Variants in SEMA3C observed in about 807,000 individuals in gnomAD.
SEMA3C encodes the protein semaphorin 3C.
SEMA3C carries 47 observed loss-of-function variants against 89.4 expected under a neutral mutation model. The ratio of observed to expected loss-of-function variants is 0.53; its 90% CI spans 0.42 to 0.67. The LOEUF is 0.67. Ranked by LOEUF, SEMA3C falls within the 30% of genes least tolerant of loss-of-function variation. The pLI is 0.00. For missense variants in SEMA3C, 839 were observed against 929.1 expected, an observed-to-expected ratio of 0.90 and a Z score of 1.26; for synonymous variants, 310 against 320.2, an observed-to-expected ratio of 0.97 and a Z score of 0.34.
At chr7:80,851,504 TA>T (rs35936052) in intron 2 of SEMA3C, among the ~76,000 whole-genome samples, 37,121 of 69,176 alleles carry the variant, frequency 0.54, 10,394 homozygotes, top group Admixed American at 0.64. Context: ...CTCTTGTCTT[TA>T]AAAAAAAAAA....
At chr7:80,828,526 T>C in intron 3 of SEMA3C, 59 bp downstream of exon 3, 4 of 1,381,144 alleles carry the variant, frequency 2.9e-6, no homozygotes, top group Non-Finnish European at 3.9e-6. Context: ...TTATTTATTT[T>C]TTTTAAAAAA....
intron 13 of SEMA3C, among the ~76,000 whole-genome samples, chr7:80,763,114 A>AC (rs1788222872): frequency 6.6e-6 from 1 of 152,188 alleles, no homozygotes; most frequent in African/African-American, 2.4e-5. Flanking sequence ...TTCTAGTTAA[A>AC]CTCAGCGGAA....
Position 80,798,076 on chromosome 7 carries a change from T to C in SEMA3C, c.1131+16A>G. On this transcript the variant is annotated intron_variant, in intron 11 of 17. Transcript: ENST00000265361. ...TTATAAAGCATCATAACAAAGAATTTTCCCTGGATACTTACAGTTCCAGGG... is the reference window on the plus strand; with the variant it reads ...TTATAAAGCATCATAACAAAGAATTCTCCCTGGATACTTACAGTTCCAGGG... 6.3e-7 allele frequency: 1 copy of C among 1,589,836 alleles called. No individual in the cohort carries two copies. Among genetic ancestry groups the C allele is most frequent in the Non-Finnish European group, 8.5e-7 (1 of 1,172,580 alleles).
intron 2 of SEMA3C, among the ~76,000 whole-genome samples, chr7:80,870,138 G>A (rs1791021592): frequency 6.6e-6 from 1 of 152,066 alleles, no homozygotes; most frequent in Non-Finnish European, 1.5e-5. Flanking sequence ...CTTACTGTGT[G>A]CTACATGAGC....
At chr7:80,839,454 G>C (rs1057132738) in intron 2 of SEMA3C, among the ~76,000 whole-genome samples, 1 of 152,144 alleles carries the variant, frequency 6.6e-6, no homozygotes, top group Non-Finnish European at 1.5e-5. Context: ...GCACAGAAGA[G>C]AAATGTGGTA....
At chr7:80,833,475 G>GAAAGA (rs1386518642) in intron 2 of SEMA3C, among the ~76,000 whole-genome samples, 5 of 151,604 alleles carry the variant, frequency 3.3e-5, no homozygotes, top group Admixed American at 2.6e-4. Context: ...AAAAAAGAAA[G>GAAAGA]AAAGAAAAGA....
chr7:80,788,484 T>C (rs757273479), intron 12 of SEMA3C, among the ~76,000 whole-genome samples: 1 of 152,170 alleles, frequency 6.6e-6, no homozygotes, highest in Non-Finnish European at 1.5e-5. Flanking sequence ...CCTAGAATTT[T>C]GGAAGAAGCA....
At chr7:80,881,209 A>ACACACACACT (rs1554387804) in intron 2 of SEMA3C, among the ~76,000 whole-genome samples, 2 of 137,020 alleles carry the variant, frequency 1.5e-5, no homozygotes, top group Admixed American at 7.4e-5. Context: ...ACACACACAC[A>ACACACACACT]CTCTCTCTCA....
intron 2 of SEMA3C, among the ~76,000 whole-genome samples, chr7:80,857,412 A>G (rs1036808513): frequency 1.3e-5 from 2 of 152,208 alleles, no homozygotes; most frequent in Admixed American, 1.3e-4. Flanking sequence ...GAAATTACAA[A>G]AACGAGAAAA....
At chr7:80,918,723 A>G in intron 1 of SEMA3C, 105 bp downstream of exon 1, 3 of 710,606 alleles carry the variant, frequency 4.2e-6, no homozygotes, top group Non-Finnish European at 5.2e-6. Flanking sequence ...GTTCTTAAGA[A>G]AATGTCCAGG....
chr7:80,895,619 T>C lies in SEMA3C; in HGVS notation c.103+21060A>G, dbSNP rs1169729455. Among the ~76,000 whole-genome samples, 3 of 152,194 alleles carry C rather than the reference T, an allele frequency of 2.0e-5. No homozygotes were observed. The East Asian group carries it at 5.8e-4, about 29-fold the overall frequency. ...CATCACACTACACATGTGCACGGAA[T>C]GATTAGAATGTTGCAGAGATTATTA... On this transcript the variant is annotated intron_variant, in intron 2 of 17. Coordinates refer to ENST00000265361, the MANE Select transcript of SEMA3C (RefSeq NM_006379.5).
At chr7:80,899,201 C>A (rs187308414) in intron 2 of SEMA3C, among the ~76,000 whole-genome samples, 1 of 152,028 alleles carries the variant, frequency 6.6e-6, no homozygotes, top group Non-Finnish European at 1.5e-5. Flanking sequence ...CCACTGCGCC[C>A]GGCTACTTTT....
chr7:80,891,274 C>T (rs1297743271), intron 2 of SEMA3C, among the ~76,000 whole-genome samples: 2 of 152,142 alleles, frequency 1.3e-5, no homozygotes, highest in South Asian at 2.1e-4. Flanking sequence ...GTCTATATCC[C>T]GTCTTGCGTC....
intron 2 of SEMA3C, among the ~76,000 whole-genome samples, chr7:80,857,723 T>C (rs562507684): frequency 1.4e-4 from 22 of 152,276 alleles, no homozygotes; most frequent in African/African-American, 5.1e-4. Context: ...GAGAGTAATA[T>C]TGGGGAAAAT....
intron 2 of SEMA3C, among the ~76,000 whole-genome samples, chr7:80,911,090 G>A (rs186973705): frequency 2.2e-3 from 337 of 152,154 alleles, no homozygotes; most frequent in African/African-American, 7.9e-3. Context: ...TAAATTAAAG[G>A]GGGAATTTGG....
chr7:80,746,718 G>GGTATGTGTGTGTGTGT (rs1554357893), intron 17 of SEMA3C, among the ~76,000 whole-genome samples: 2 of 142,930 alleles, frequency 1.4e-5, no homozygotes, highest in Non-Finnish European at 3.0e-5. Context: ...ATTGAAGTGG[G>GGTATGTGTGTGTGTGT]GTGTGTGTGT....
At chr7:80,905,220 GAC>G in intron 2 of SEMA3C, among the ~76,000 whole-genome samples, 1 of 127,060 alleles carries the variant, frequency 7.9e-6, no homozygotes, top group East Asian at 2.4e-4. Context: ...GGTAGGGAGA[GAC>G]AGGGAGAGAG....
chr7:80,784,453 TAGC>T (rs924032913), intron 12 of SEMA3C, among the ~76,000 whole-genome samples: 6 of 147,998 alleles, frequency 4.1e-5, no homozygotes, highest in Non-Finnish European at 7.6e-5. Context: ...TTTAACAAAG[TAGC>T]AGCATTTTTT....
intron 2 of SEMA3C, among the ~76,000 whole-genome samples, chr7:80,895,665 T>C (rs1275766923): frequency 6.6e-6 from 1 of 152,148 alleles, no homozygotes; most frequent in Admixed American, 6.6e-5. Flanking sequence ...TAAAAGGGTC[T>C]CAGGAATACA....
Sources: gnomAD v4.1 joint callset for allele counts (sites outside exome capture counted in the v4.1 genomes callset) on GRCh38, gnomAD v4.1.1 for gene constraint, MANE v1.5 for transcripts, NCBI Gene and HGNC (gene_info 2026-07-23, HGNC 2026-07-21) for gene names.